The following PHYHD1 variants were observed in gnomAD, a reference collection of about 807,000 sequenced individuals.
PHYHD1 encodes the protein phytanoyl-CoA dioxygenase domain-containing protein 1.
PHYHD1 carries 42 observed loss-of-function variants against 43.6 expected under a neutral mutation model. The ratio of observed to expected loss-of-function variants is 0.96; its 90% CI spans 0.75 to 1.25. The LOEUF (loss-of-function observed/expected upper bound fraction) is 1.25, where lower values mean the gene tolerates loss of function less well. Among genes scored for constraint, PHYHD1 ranks in the 50% most tolerant of loss-of-function variants. The pLI is 0.00. For synonymous variants in PHYHD1, 139 were observed against 143.6 expected (o/e 0.97, Z 0.23); for missense variants, 342 against 370.8 (o/e 0.92, Z 0.64).
Position 128,931,526 on chromosome 9 carries a change from C to G in PHYHD1, c.193-2256C>G, listed in dbSNP as rs188698156. On this transcript the variant is annotated intron_variant, in intron 4 of 12. Coordinates refer to ENST00000372592, the MANE Select transcript of PHYHD1 (RefSeq NM_001100876.2). Reference sequence around the variant, plus strand: ...TTGAGGAGGTCAGTTTTTTGTTTTTCTTTTTCTTTTTTTTTTGAGACGGAG... The same window carrying G: ...TTGAGGAGGTCAGTTTTTTGTTTTTGTTTTTCTTTTTTTTTTGAGACGGAG... 3.1e-3 allele frequency among the ~76,000 whole-genome samples: 467 copies of G among 151,454 alleles called. 3 individuals carry two copies. Among genetic ancestry groups the G allele is most frequent in the Admixed American group, 0.01 (153 of 15,210 alleles).
intron 3 of PHYHD1, among the ~76,000 whole-genome samples, chr9:128,925,621 G>A (rs973110869): frequency 3.3e-5 from 5 of 152,008 alleles, no homozygotes; most frequent in Admixed American, 6.6e-5. Flanking sequence ...TCTCTCAAGA[G>A]CCTCAGAATA....
chr9:128,940,484 T>G lies in PHYHD1; in HGVS notation c.573T>G (p.Pro191=). Residue 191 remains proline, a synonymous_variant, in exon 10 of 13, where the codon CCT becomes CCG. Coordinates refer to ENST00000372592, the MANE Select transcript of PHYHD1 (RefSeq NM_001100876.2). ...TLENGCLWFI[P]GSHTSGVSRR... is the part of the protein sequence containing the mutation. ...AGAACGGCTGTCTCTGGTTCATCCC[T>G]GGCTCCCACACCAGTGAGGAACCCT... is the stretch of plus-strand genomic sequence containing the variant. The G allele has an allele frequency of 6.2e-7, 1 of 1,614,184 alleles. No individual in the cohort carries two copies. Among genetic ancestry groups the G allele is most frequent in the Non-Finnish European group, 8.5e-7 (1 of 1,180,026 alleles).
At position 128,934,066 on chromosome 9, in the gene PHYHD1, G is replaced by T. The variant is rs1841365152; in HGVS notation, c.316+8G>T. ...TCAACAAAATTGGCCACGGTGAGCA[G>T]GGGCTTGGGGGTACAGGAAAGAAGA... On this transcript the variant is annotated splice_region_variant and intron_variant, in intron 6 of 12. Coordinates refer to ENST00000372592, the MANE Select transcript of PHYHD1 (RefSeq NM_001100876.2). 5 of 1,613,080 alleles carry T rather than the reference G, an allele frequency of 3.1e-6. No individual in the cohort carries two copies. The East Asian group carries it at 1.1e-4, about 36-fold the overall frequency.
In PHYHD1 at chr9:128,933,904, A is replaced by G. The variant is rs201724237; in HGVS notation, c.268+47A>G. ...GCTGGGGAGGAGCCATGGTGAGGGT[A>G]GGCTGGACCTGGGAATCTGCCCCCT... On this transcript the variant is annotated intron_variant, in intron 5 of 12. Coordinates refer to ENST00000372592, the MANE Select transcript of PHYHD1 (RefSeq NM_001100876.2). The G allele has an allele frequency of 3.5e-4, 557 of 1,607,382 alleles. 4 individuals carry two copies. In the African/African-American group the frequency reaches 6.0e-3, roughly 17 times the overall value.
chr9:128,936,388 C>T (rs1321615071), intron 6 of PHYHD1, 60 bp from the exon 7 acceptor site: 2 of 1,565,858 alleles, frequency 1.3e-6, no homozygotes, highest in African/African-American at 1.4e-5. Context: ...GTGCCCAGAG[C>T]TGGGTGTGGA....
At chr9:128,939,354 A>G (rs1841499098) in intron 9 of PHYHD1, among the ~76,000 whole-genome samples, 1 of 127,376 alleles carries the variant, frequency 7.9e-6, no homozygotes, top group Middle Eastern at 4.3e-3. Flanking sequence ...CCGAGGGGGT[A>G]GATCACCTAA....
At chr9:128,922,137 T>G in intron 2 of PHYHD1, 90 bp downstream of exon 2, 1 of 598,638 alleles carries the variant, frequency 1.7e-6, no homozygotes, top group Non-Finnish European at 3.0e-6. Flanking sequence ...CCTGGATTAG[T>G]TGTGGGGGTG....
At chr9:128,934,403 A>C (rs1448757669) in intron 6 of PHYHD1, among the ~76,000 whole-genome samples, 1 of 151,562 alleles carries the variant, frequency 6.6e-6, no homozygotes, top group African/African-American at 2.4e-5. Context: ...GTTAAAAAAA[A>C]AAAAAAAAGA....
chr9:128,941,998 T>C lies in PHYHD1; in HGVS notation c.*285T>C. 1.9e-6 allele frequency: 1 copy of C among 530,254 alleles called. No homozygotes were observed. The highest frequency in any genetic ancestry group is 3.0e-5 in the East Asian group (1 of 33,798). The allele number at this position is 530,254 out of a possible 1,614,324, so 32.8% of individuals were successfully genotyped here. ...CTCCTCTCAGATGGAACTCTGGTTA[T>C]TATGGTGTTAGTTATCGAATAAAAA... On this transcript the variant is annotated 3_prime_UTR_variant, in exon 13 of 13. Transcript: ENST00000372592.
chr9:128,924,132 A>T (rs1841073801), intron 3 of PHYHD1, among the ~76,000 whole-genome samples: 1 of 151,510 alleles, frequency 6.6e-6, no homozygotes, highest in Non-Finnish European at 1.5e-5. Context: ...AATAAAATAA[A>T]CAGGCCGGGC....
At chr9:128,922,399 G>A (rs1056035708) in intron 3 of PHYHD1, 43 bp downstream of exon 3, 62 of 1,542,406 alleles carry the variant, frequency 4.0e-5, no homozygotes, top group Non-Finnish European at 5.1e-5. Flanking sequence ...ATGGCGGGGG[G>A]GTCCCTGCCG....
intron 7 of PHYHD1, 22 bp downstream of exon 7, chr9:128,936,525 G>A (rs768313505): frequency 1.2e-6 from 2 of 1,613,262 alleles, no homozygotes; most frequent in Admixed American, 1.7e-5. Context: ...TGGGGGTGAG[G>A]GCCAGGAGGG....
In PHYHD1 at chr9:128,940,434, A is replaced by G; in HGVS notation, c.523A>G (p.Ile175Val). 6.2e-7 allele frequency: 1 copy of G among 1,614,144 alleles called. No individual in the cohort carries two copies. Among genetic ancestry groups the G allele is most frequent in the Non-Finnish European group, 8.5e-7 (1 of 1,180,024 alleles). The change falls in exon 10 of 13, where the codon ATC (isoleucine) becomes GTC (valine). Residue 175 changes from isoleucine to valine, a missense_variant. By Grantham distance (29) the Ile-to-Val change is conservative. Transcript: ENST00000372592. ...EPLGRVLGVW[I>V]AVEDATLENG... is the part of the protein sequence containing the mutation. The stretch of plus-strand genomic sequence containing the variant: ...CCTGGGCCGGGTGCTGGGCGTGTGG[A>G]TCGCAGTGGAGGATGCCACGCTGGA...
chr9:128,921,915 T>A lies in PHYHD1; in HGVS notation c.-159-15T>A, dbSNP rs1260251484. On this transcript the variant is annotated splice_polypyrimidine_tract_variant and intron_variant, in intron 1 of 12. Transcript: ENST00000372592. ...GCACATCCCCCAGACCAACCCTGCA[T>A]CCCATTCTATCCAGATTGAGGCCTA... 4.9e-6 allele frequency: 1 copy of A among 203,974 alleles called. No individual in the cohort carries two copies. Among genetic ancestry groups the A allele is most frequent in the Non-Finnish European group, 9.9e-6 (1 of 101,230 alleles). The allele number at this position is 203,974 out of a possible 1,614,324, so 12.6% of individuals were successfully genotyped here. A position where few individuals can be genotyped will look rare whatever the true frequency, so the allele number is the denominator to read the frequency against.
intron 4 of PHYHD1, among the ~76,000 whole-genome samples, chr9:128,931,089 CAGACCACTGCAAT>C (rs1245724835): frequency 6.6e-6 from 1 of 152,072 alleles, no homozygotes; most frequent in Admixed American, 6.6e-5. Context: ...GGTTTGGTTC[CAGACCACTGCAAT>C]AGAGCCAGGA....
chr9:128,930,256 G>A (rs1374311393), intron 4 of PHYHD1, among the ~76,000 whole-genome samples: 2 of 151,326 alleles, frequency 1.3e-5, no homozygotes, highest in African/African-American at 2.4e-5. Flanking sequence ...CTCCAGCCTG[G>A]GGGACAGAGT....
In PHYHD1 at chr9:128,941,680, A is replaced by G. The variant is rs1452412342; in HGVS notation, c.843A>G (p.Thr281=). The G allele has an allele frequency of 5.6e-6, 9 of 1,614,056 alleles. No homozygotes were observed. The highest frequency in any genetic ancestry group is 2.2e-5 in the South Asian group (2 of 91,088). ...CTATCCTCTGCAGGCTCCAGCCAAC[A>G]GCTGAACTGCCCTTTCCCCAACTGT... The part of the protein sequence containing the change: ...TWSPENWLQP[T]AELPFPQLYT Residue 281 remains threonine, a synonymous_variant, in exon 13 of 13, where the codon ACA becomes ACG. Transcript: ENST00000372592.
intron 4 of PHYHD1, among the ~76,000 whole-genome samples, chr9:128,930,047 G>A (rs1371471249): frequency 6.6e-6 from 1 of 151,918 alleles, no homozygotes; most frequent in Non-Finnish European, 1.5e-5. Context: ...GGAGGCCAAG[G>A]CAGGCAGATC....
intron 3 of PHYHD1, among the ~76,000 whole-genome samples, chr9:128,926,707 C>T (rs1841144509): frequency 6.6e-6 from 1 of 151,712 alleles, no homozygotes; most frequent in South Asian, 2.1e-4. Flanking sequence ...TACAGGCATG[C>T]ACCACCATGC....
Sources: gnomAD v4.1 joint callset for allele counts (sites outside exome capture counted in the v4.1 genomes callset) on GRCh38, gnomAD v4.1.1 for gene constraint, MANE v1.5 for transcripts, NCBI Gene and HGNC (gene_info 2026-07-23, HGNC 2026-07-21) for gene names.